The following EXOC4 variants were observed in gnomAD, a reference collection of about 807,000 sequenced individuals.
EXOC4 encodes SEC8-like 1.
Under a neutral mutation model 107.2 loss-of-function variants are expected in EXOC4, and 71 were observed. The observed-to-expected ratio is 0.66, with a 90% CI of 0.55 to 0.81. The LOEUF (loss-of-function observed/expected upper bound fraction) is 0.81. Ranked by LOEUF, EXOC4 falls within the 30% of genes least tolerant of loss-of-function variation. The probability of loss-of-function intolerance (pLI) is 0.00; values close to 1 mark genes in which losing one functional copy is unlikely to be tolerated. For synonymous variants in EXOC4, 456 were observed against 441.2 expected (o/e 1.03, Z -0.42); for missense variants, 1,108 against 1,189.6 (o/e 0.93, Z 1.01).
chr7:133,344,307 G>T (rs1370826532), intron 5 of EXOC4, among the ~76,000 whole-genome samples: 1 of 152,098 alleles, frequency 6.6e-6, no homozygotes, highest in Non-Finnish European at 1.5e-5. Context: ...GTGCTTCATG[G>T]TTGTTTTGTT....
intron 9 of EXOC4, among the ~76,000 whole-genome samples, chr7:133,543,281 C>T (rs1022476500): frequency 1.3e-5 from 2 of 151,934 alleles, no homozygotes; most frequent in African/African-American, 4.8e-5. Flanking sequence ...GGTTTCTGTT[C>T]AATATTTATT....
chr7:133,476,376 T>G (rs1334693082), intron 8 of EXOC4, among the ~76,000 whole-genome samples: 2 of 152,190 alleles, frequency 1.3e-5, no homozygotes, highest in East Asian at 3.8e-4. Context: ...AGTCTTACTT[T>G]AGATCTGTTT....
chr7:133,498,205 C>T (rs962736208), intron 9 of EXOC4, among the ~76,000 whole-genome samples: 11 of 152,186 alleles, frequency 7.2e-5, no homozygotes, highest in African/African-American at 1.9e-4. Flanking sequence ...CTTGACTCCT[C>T]CTTCTTTGCC....
chr7:133,618,278 T>C (rs1802244261), intron 9 of EXOC4, among the ~76,000 whole-genome samples: 1 of 152,108 alleles, frequency 6.6e-6, no homozygotes, highest in African/African-American at 2.4e-5. Flanking sequence ...TAATCTAGTT[T>C]CTGTTTTGCA....
chr7:134,044,582 C>A (rs185107189), intron 17 of EXOC4, among the ~76,000 whole-genome samples: 7 of 152,332 alleles, frequency 4.6e-5, no homozygotes, highest in Admixed American at 4.6e-4. Flanking sequence ...GTCAACTCAA[C>A]TGAGCAGTCA....
chr7:133,480,113 C>G lies in EXOC4; in HGVS notation c.1392C>G (p.Leu464=), dbSNP rs1483432178. The G allele has an allele frequency of 3.7e-6, 6 of 1,613,904 alleles. No individual in the cohort carries two copies. Among genetic ancestry groups the G allele is most frequent in the Non-Finnish European group, 5.1e-6 (6 of 1,179,960 alleles). ...SAYLREQRRE[L]YSRSGELQGG... ...ATCTGCGAGAACAGAGAAGGGAGCT[C>G]TATAGTCGGAGTGGAGAACTGCAAG... The change falls in exon 9 of 18, where the codon CTC becomes CTG. Residue 464 remains leucine (L), a synonymous_variant. Coordinates refer to ENST00000253861, the MANE Select transcript of EXOC4 (RefSeq NM_021807.4).
chr7:133,929,081 C>T (rs1442067828), intron 13 of EXOC4, among the ~76,000 whole-genome samples: 2 of 151,890 alleles, frequency 1.3e-5, no homozygotes, highest in African/African-American at 2.4e-5. Flanking sequence ...TACAGGCACG[C>T]ACCGCCACAC....
intron 9 of EXOC4, among the ~76,000 whole-genome samples, chr7:133,624,326 G>A (rs1802402830): frequency 1.3e-5 from 2 of 152,046 alleles, no homozygotes; most frequent in Non-Finnish European, 2.9e-5. Flanking sequence ...GTAGGGCTGG[G>A]TACTCCCTAC....
intron 10 of EXOC4, among the ~76,000 whole-genome samples, chr7:133,755,488 T>C (rs1256139570): frequency 2.7e-5 from 4 of 148,636 alleles, no homozygotes; most frequent in Admixed American, 1.3e-4. Context: ...GGACTACAGG[T>C]GCACGCCAGC....
intron 2 of EXOC4, among the ~76,000 whole-genome samples, chr7:133,283,249 C>G (rs1563001766): frequency 6.6e-6 from 1 of 152,048 alleles, no homozygotes; most frequent in African/African-American, 2.4e-5. Context: ...ACCACAGATA[C>G]TTTTTTGTGG....
At chr7:133,353,007 T>C (rs1795945144) in intron 5 of EXOC4, among the ~76,000 whole-genome samples, 1 of 152,104 alleles carries the variant, frequency 6.6e-6, no homozygotes, top group East Asian at 1.9e-4. Flanking sequence ...AAACATAAAC[T>C]AGTAATTCTT....
intron 13 of EXOC4, among the ~76,000 whole-genome samples, chr7:133,922,255 CAG>C (rs1236950231): frequency 6.6e-6 from 1 of 152,102 alleles, no homozygotes; most frequent in Non-Finnish European, 1.5e-5. Context: ...GATCAAGAAA[CAG>C]AACTTTAGCA....
chr7:133,458,682 T>G (rs938446464), intron 7 of EXOC4, among the ~76,000 whole-genome samples: 4 of 152,222 alleles, frequency 2.6e-5, no homozygotes, highest in African/African-American at 4.8e-5. Context: ...GACCTGATGG[T>G]GTCTTCTCAG....
intron 10 of EXOC4, among the ~76,000 whole-genome samples, chr7:133,688,986 C>G (rs920221183): frequency 6.6e-6 from 1 of 152,126 alleles, no homozygotes; most frequent in Non-Finnish European, 1.5e-5. Context: ...GTCCTCATTC[C>G]CTTGTAGCCA....
At chr7:133,977,388 CA>C (rs371418680) in intron 14 of EXOC4, among the ~76,000 whole-genome samples, 77 of 150,452 alleles carry the variant, frequency 5.1e-4, no homozygotes, top group Middle Eastern at 3.5e-3. Flanking sequence ...TCACTAAATC[CA>C]AAAAAAAAGA....
downstream of EXOC4, among the ~76,000 whole-genome samples, chr7:134,068,895 T>G (rs2116659823): frequency 6.6e-6 from 1 of 152,314 alleles, no homozygotes; most frequent in East Asian, 1.9e-4. Context: ...ATTCAGTCAG[T>G]CAAATAGAAT....
chr7:133,713,684 G>T (rs1794941941), intron 10 of EXOC4, among the ~76,000 whole-genome samples: 1 of 152,074 alleles, frequency 6.6e-6, no homozygotes, highest in South Asian at 2.1e-4. Flanking sequence ...TTTCCCCTAT[G>T]CTGTTCTCGT....
chr7:133,902,318 A>G (rs1799469428), intron 12 of EXOC4, among the ~76,000 whole-genome samples: 1 of 152,192 alleles, frequency 6.6e-6, no homozygotes, highest in Non-Finnish European at 1.5e-5. Context: ...TAAACCTTTC[A>G]GGAATTTTTT....
At chr7:133,267,957 A>G (rs1793773021) in intron 1 of EXOC4, among the ~76,000 whole-genome samples, 1 of 152,160 alleles carries the variant, frequency 6.6e-6, no homozygotes, top group Non-Finnish European at 1.5e-5. Flanking sequence ...AGAAATAAAT[A>G]TCCTCAGGAA....
Sources: allele counts gnomAD v4.1 joint callset (sites outside exome capture counted in the v4.1 genomes callset), GRCh38; gene constraint gnomAD v4.1.1; transcripts MANE v1.5; gene names NCBI Gene and HGNC (gene_info 2026-07-23, HGNC 2026-07-21).